The following ABCA8 variants were observed in gnomAD, a reference collection of about 807,000 sequenced individuals.
ABCA8 encodes ABC-type organic anion transporter ABCA8.
Under a neutral mutation model 192.3 loss-of-function variants are expected in ABCA8, and 177 were observed. The observed-to-expected ratio is 0.92, with a 90% CI of 0.81 to 1.04. The LOEUF (loss-of-function observed/expected upper bound fraction) is 1.04, where lower values mean the gene tolerates loss of function less well. ABCA8 is among the 50% of genes least tolerant of loss of function. ABCA8 has a pLI of 0.00. For missense variants in ABCA8, 1,915 were observed against 1,904.8 expected (o/e 1.01, Z -0.10); for synonymous variants, 642 against 690.2 (o/e 0.93, Z 1.09).
intron 29 of ABCA8, 97 bp from the exon 30 acceptor site, chr17:68,882,816 T>G (rs980601460): frequency 8.7e-7 from 1 of 1,145,852 alleles, no homozygotes; most frequent in Non-Finnish European, 1.2e-6. Context: ...GTACGAGCAA[T>G]TAACAAACCA....
chr17:68,903,522 C>A, intron 19 of ABCA8, 23 bp from the exon 20 acceptor site: 1 of 1,609,678 alleles, frequency 6.2e-7, no homozygotes, highest in South Asian at 1.1e-5. Flanking sequence ...AAATAAGCAA[C>A]TCATATGTAC....
At position 68,887,731 on chromosome 17, in the gene ABCA8, A is replaced by G. The variant is rs576197511; in HGVS notation, c.3145-225T>C. The stretch of plus-strand genomic sequence containing the variant: ...ACCTGGCAGAAATATGTAAAAGAAG[A>G]CCTTAGAATGATCAAAGCATGAACA... On this transcript the variant is annotated intron_variant, in intron 24 of 39. Transcript: ENST00000586539. Among the ~76,000 whole-genome samples, 10 of 151,470 alleles carry G rather than the reference A, an allele frequency of 6.6e-5. No individual in the cohort carries two copies. In the South Asian group the frequency reaches 1.9e-3, roughly 28 times the overall value.
At chr17:68,918,377 A>T in intron 15 of ABCA8, 50 bp downstream of exon 15, 1 of 1,535,450 alleles carries the variant, frequency 6.5e-7, no homozygotes, top group Non-Finnish European at 8.7e-7. Context: ...TATTACCAAA[A>T]GTTCCATTTT....
intron 23 of ABCA8, among the ~76,000 whole-genome samples, chr17:68,892,094 A>G (rs567326792): frequency 2.0e-4 from 30 of 152,328 alleles, no homozygotes; most frequent in African/African-American, 7.0e-4. Context: ...AAAATCACCA[A>G]GAAAATCTTT....
intron 37 of ABCA8, 83 bp from the exon 38 acceptor site, chr17:68,869,862 T>A: frequency 1.0e-6 from 1 of 962,762 alleles, no homozygotes; most frequent in Non-Finnish European, 1.6e-6. Flanking sequence ...GGTCTTTTTT[T>A]TTCTTTTAAA....
At position 68,940,885 on chromosome 17, in the gene ABCA8, T is replaced by C. The variant is rs762023170; in HGVS notation, c.174A>G (p.Ser58=). The part of the protein sequence containing the change: ...PHSHQVNDFS[S]LLTMDLGRVD... ...CCCGTCCCAGGTCCATGGTAAGCAG[T>C]GAAGAAAAATCATTTACTTGATGAC... The change falls in exon 4 of 40, where the codon TCA becomes TCG. Residue 58 remains serine, a synonymous_variant. Transcript: ENST00000586539. 3 of 1,613,100 alleles carry C rather than the reference T, an allele frequency of 1.9e-6. No homozygotes were observed. The highest frequency in any genetic ancestry group is 1.7e-6 in the Non-Finnish European group (2 of 1,179,288).
rs1433798821 is a variant in ABCA8, at chr17:68,924,828, A to G, written c.1315T>C (p.Ser439Pro). The G allele has an allele frequency of 1.2e-6, 2 of 1,614,006 alleles. No individual in the cohort carries two copies. Among genetic ancestry groups the G allele is most frequent in the African/African-American group, 1.3e-5 (1 of 74,938 alleles). ...TTTTGTGTTTGAGACCAAAATGAGGACTTCAGGAAAAACAAAGGTGGACGT... is the reference window on the plus strand; with the variant it reads ...TTTTGTGTTTGAGACCAAAATGAGGGCTTCAGGAAAAACAAAGGTGGACGT... ...HRRPPLFFLK[S>P]SFWSQTQKTD... is the part of the protein sequence containing the mutation. The change falls in exon 11 of 40, where the codon TCC becomes CCC. Residue 439 changes from serine (S) to proline (P), a missense_variant. By Grantham distance (74) the Ser-to-Pro change is moderately conservative (BLOSUM62 -1). Transcript: ENST00000586539.
chr17:68,927,789 T>G (rs2067743187), intron 10 of ABCA8, 127 bp downstream of exon 10: 1 of 717,614 alleles, frequency 1.4e-6, no homozygotes. Flanking sequence ...GCGACGACTT[T>G]GTTCCTCTCT....
chr17:68,936,941 A>G lies in ABCA8; in HGVS notation c.466+10T>C, dbSNP rs376422125. ...TAGAGAGTAGTGAAATTTTAGAGCC[A>G]TAAAATTACCTGTATGGTCCTTGTG... is the stretch of plus-strand genomic sequence containing the variant. On this transcript the variant is annotated intron_variant, in intron 5 of 39. Coordinates refer to ENST00000586539, the MANE Select transcript of ABCA8 (RefSeq NM_001288985.2). 90 of 1,555,338 alleles carry G rather than the reference A, an allele frequency of 5.8e-5. No individual in the cohort carries two copies. The highest frequency in any genetic ancestry group is 5.1e-4 in the Middle Eastern group (3 of 5,850).
intron 16 of ABCA8, 53 bp downstream of exon 16, chr17:68,917,994 T>G: frequency 2.5e-6 from 4 of 1,598,204 alleles, no homozygotes; most frequent in South Asian, 2.3e-5. Context: ...CAATCCATAT[T>G]TTTAGATCTC....
rs1598234422 is a variant in ABCA8, at chr17:68,906,188, A to G, written c.2279-25T>C. Reference sequence around the variant, plus strand: ...TCTAAAGAATACATATACAGCAGTGAATTAAAACAAGAATCACAAGTGAAC... The same window carrying G: ...TCTAAAGAATACATATACAGCAGTGGATTAAAACAAGAATCACAAGTGAAC... On this transcript the variant is annotated intron_variant, in intron 18 of 39. Transcript: ENST00000586539. The G allele has an allele frequency of 6.2e-6, 9 of 1,448,860 alleles. No individual in the cohort carries two copies. In the East Asian group the frequency reaches 2.0e-4, roughly 32 times the overall value. The allele number at this position is 1,448,860 out of a possible 1,614,324, so 89.8% of individuals were successfully genotyped here.
chr17:68,871,900 A>ATAC lies in ABCA8; in HGVS notation c.4632-2122_4632-2121insGTA, dbSNP rs1598174731. On this transcript the variant is annotated intron_variant, in intron 37 of 39. Transcript: ENST00000586539. ...AAATGACTATGTTACTAGTTTATGT[A>ATAC]TATACTATACTATACCATACTATAC... 2.6e-5 allele frequency among the ~76,000 whole-genome samples: 4 copies of ATAC among 151,648 alleles called. No homozygotes were observed. The East Asian group carries it at 5.8e-4, about 22-fold the overall frequency.
chr17:68,934,038 T>C (rs1039285543), intron 5 of ABCA8, among the ~76,000 whole-genome samples: 8 of 152,162 alleles, frequency 5.3e-5, no homozygotes, highest in African/African-American at 1.9e-4. Context: ...CTAACTGCTT[T>C]CCTGAACGTT....
In ABCA8 at chr17:68,919,456, T is replaced by G; in HGVS notation, c.1633A>C (p.Asn545His). 6.2e-7 allele frequency: 1 copy of G among 1,613,824 alleles called. No homozygotes were observed. The highest frequency in any genetic ancestry group is 1.1e-5 in the South Asian group (1 of 91,006). ...AGGTCAGCCATTTCTGAAAGCTTATTGTTATAGATGGTGACTGAACCTGTA... is the reference window on the plus strand; with the variant it reads ...AGGTCAGCCATTTCTGAAAGCTTATGGTTATAGATGGTGACTGAACCTGTA... ...PTKGSVTIYN[N>H]KLSEMADLEN... The change falls in exon 14 of 40, where the codon AAT (asparagine) becomes CAT (histidine). Residue 545 changes from asparagine to histidine, a missense_variant. Asn to His is a moderately conservative substitution (Grantham distance 68). Coordinates refer to ENST00000586539, the MANE Select transcript of ABCA8 (RefSeq NM_001288985.2).
intron 21 of ABCA8, 27 bp from the exon 22 acceptor site, chr17:68,895,040 A>G (rs756761227): frequency 1.7e-5 from 26 of 1,544,882 alleles, no homozygotes; most frequent in East Asian, 2.3e-5. Context: ...GATATTAGGT[A>G]TCACAAAACT....
chr17:68,929,190 G>A lies in ABCA8; in HGVS notation c.984C>T (p.Phe328=). The change falls in exon 9 of 40, where the codon TTC becomes TTT. Residue 328 remains phenylalanine, a synonymous_variant. Coordinates refer to ENST00000586539, the MANE Select transcript of ABCA8 (RefSeq NM_001288985.2). ...FLMSILVKKS[F]LTGLVVFLLT... ...GGAGGAACACGACCAGGCCGGTGAG[G>A]AAAGATTTCTTTACCAAGATGCTCA... The A allele has an allele frequency of 6.2e-7, 1 of 1,605,738 alleles. No homozygotes were observed. Among genetic ancestry groups the A allele is most frequent in the Non-Finnish European group, 8.5e-7 (1 of 1,176,254 alleles).
rs780005457 is a variant in ABCA8, at chr17:68,877,595, T to A, written c.4123A>T (p.Thr1375Ser). Reference protein sequence around the residue: ...PQENALWPNLTVRQHLEVYAA... With the variant: ...PQENALWPNLSVRQHLEVYAA... ...TACACCTCCAGGTGCTGCCTCACTG[T>A]CAGGTTGGGCCACAGCGCGTTCTCC... Residue 1375 changes from threonine to serine, a missense_variant, in exon 33 of 40, where the codon ACA becomes TCA. By Grantham distance (58) the Thr-to-Ser change is moderately conservative (BLOSUM62 1). Transcript: ENST00000586539. 2.5e-6 allele frequency: 4 copies of A among 1,614,118 alleles called. No individual in the cohort carries two copies. In the Admixed American group the frequency reaches 6.7e-5, roughly 27 times the overall value.
At position 68,880,558 on chromosome 17, in the gene ABCA8, T is replaced by G. The variant is rs530043048; in HGVS notation, c.4038+562A>C. ...CCCCGAGCCAGGGCTGTGACATCCTTTTTAGGGCTCTGTGGTTTCTGGCAC... is the reference window on the plus strand; with the variant it reads ...CCCCGAGCCAGGGCTGTGACATCCTGTTTAGGGCTCTGTGGTTTCTGGCAC... On this transcript the variant is annotated intron_variant, in intron 32 of 39. Transcript: ENST00000586539. 3.3e-5 allele frequency among the ~76,000 whole-genome samples: 5 copies of G among 152,198 alleles called. No individual in the cohort carries two copies. The East Asian group carries it at 9.7e-4, about 30-fold the overall frequency.
chr17:68,898,854 T>A (rs1357997397), intron 21 of ABCA8, among the ~76,000 whole-genome samples: 1 of 152,112 alleles, frequency 6.6e-6, no homozygotes, highest in African/African-American at 2.4e-5. Context: ...TCTTCCCCAT[T>A]TTGATGTTAT....
Sources: gnomAD v4.1 joint callset for allele counts (sites outside exome capture counted in the v4.1 genomes callset) on GRCh38, gnomAD v4.1.1 for gene constraint, MANE v1.5 for transcripts, NCBI Gene and HGNC (gene_info 2026-07-23, HGNC 2026-07-21) for gene names.